THSD7B: variants seen among roughly 807,000 people sequenced by gnomAD.
The protein encoded by THSD7B is thrombospondin type-1 domain-containing protein 7B.
In THSD7B, 138 loss-of-function variants were observed where a neutral mutation model predicts 213.6. The observed-to-expected ratio is 0.65, with a 90% CI of 0.56 to 0.74. THSD7B has a LOEUF of 0.74. Among genes scored for constraint, THSD7B ranks in the 30% least tolerant of loss-of-function variants. The pLI, the probability that THSD7B is intolerant of heterozygous loss-of-function variation, is 0.00. For missense variants in THSD7B, 1,931 were observed against 1,991.5 expected, an observed-to-expected ratio of 0.97 and a Z score of 0.58; for synonymous variants, 742 against 687.0, an observed-to-expected ratio of 1.08 and a Z score of -1.25.
At chr2:137,476,039 G>A (rs1688184673) in intron 15 of THSD7B, among the ~76,000 whole-genome samples, 1 of 151,932 alleles carries the variant, frequency 6.6e-6, no homozygotes, top group African/African-American at 2.4e-5. Flanking sequence ...CTGTACTTTT[G>A]CATTTTCTCA....
chr2:137,575,131 A>G (rs1681431933), intron 17 of THSD7B, among the ~76,000 whole-genome samples: 3 of 152,106 alleles, frequency 2.0e-5, no homozygotes, highest in Admixed American at 2.0e-4. Flanking sequence ...TTATTTAAAC[A>G]TCTGAGTTAC....
intron 5 of THSD7B, among the ~76,000 whole-genome samples, chr2:137,130,829 C>CA (rs1241025889): frequency 8.3e-6 from 1 of 120,344 alleles, no homozygotes; most frequent in East Asian, 2.6e-4. Context: ...AATAGTGCCA[C>CA]AATAAACATA....
chr2:137,210,196 C>A lies in THSD7B; in HGVS notation c.1724-20848C>A, dbSNP rs186822401. ...TGGTAGTCCAAGAAAATTAACACAG[C>A]ATGATACTCATTTTCCTTCTCAATG... is the stretch of plus-strand genomic sequence containing the variant. On this transcript the variant is annotated intron_variant, in intron 7 of 27. Coordinates refer to ENST00000409968, the MANE Select transcript of THSD7B (RefSeq NM_001316349.2). Among the ~76,000 whole-genome samples the A allele has an allele frequency of 1.8e-3, 276 of 152,150 alleles. 2 individuals are homozygous for A. Among genetic ancestry groups the A allele is most frequent in the African/African-American group, 6.1e-3 (252 of 41,542 alleles).
intron 3 of THSD7B, among the ~76,000 whole-genome samples, chr2:137,068,326 A>G (rs888037780): frequency 6.6e-6 from 1 of 152,142 alleles, no homozygotes; most frequent in African/African-American, 2.4e-5. Flanking sequence ...CATGAAATCT[A>G]TAACTCTCAT....
intron 17 of THSD7B, among the ~76,000 whole-genome samples, chr2:137,598,887 T>TA (rs200574722): frequency 0.058 from 8,721 of 151,174 alleles, 339 homozygotes; most frequent in South Asian, 0.16. Context: ...CTTTTTTTTT[T>TA]TTATTATTAT....
chr2:136,863,002 C>T (rs561812041), intron 1 of THSD7B, among the ~76,000 whole-genome samples: 81 of 152,234 alleles, frequency 5.3e-4, no homozygotes, highest in Non-Finnish European at 1.0e-3. Context: ...TCTCTCCAAT[C>T]TCAGCACTTT....
At chr2:137,608,650 C>A (rs1682232554) in intron 17 of THSD7B, among the ~76,000 whole-genome samples, 1 of 152,088 alleles carries the variant, frequency 6.6e-6, no homozygotes, top group Non-Finnish European at 1.5e-5. Flanking sequence ...TTAAATGTTT[C>A]CTGTTGCTAT....
At chr2:137,280,559 A>G (rs1682982415) in intron 12 of THSD7B, among the ~76,000 whole-genome samples, 1 of 152,134 alleles carries the variant, frequency 6.6e-6, no homozygotes, top group Non-Finnish European at 1.5e-5. Flanking sequence ...AAGATAGAAC[A>G]GCACATAGAG....
chr2:136,921,974 C>T (rs983796349), intron 2 of THSD7B, among the ~76,000 whole-genome samples: 6 of 152,150 alleles, frequency 3.9e-5, no homozygotes, highest in Non-Finnish European at 8.8e-5. Flanking sequence ...GTTAATTTCT[C>T]CTTAGTTTTT....
intron 12 of THSD7B, among the ~76,000 whole-genome samples, chr2:137,281,650 A>G (rs1390635756): frequency 1.3e-5 from 2 of 149,474 alleles, no homozygotes; most frequent in East Asian, 2.0e-4. Flanking sequence ...GAGAACATGC[A>G]GTGTTTGGTT....
chr2:137,082,141 A>G (rs1687759022), intron 3 of THSD7B, among the ~76,000 whole-genome samples: 1 of 152,004 alleles, frequency 6.6e-6, no homozygotes, highest in Admixed American at 6.6e-5. Context: ...TTTTTCTGAA[A>G]ATGATTTTGT....
At chr2:137,564,677 A>G (rs1339907175) in intron 16 of THSD7B, among the ~76,000 whole-genome samples, 1 of 152,138 alleles carries the variant, frequency 6.6e-6, no homozygotes, top group Non-Finnish European at 1.5e-5. Flanking sequence ...ATCTCAGGAG[A>G]AAAAGAAAAG....
At chr2:137,317,848 C>A (rs1684161839) in intron 12 of THSD7B, among the ~76,000 whole-genome samples, 1 of 152,076 alleles carries the variant, frequency 6.6e-6, no homozygotes. Context: ...TGCTTGAGCC[C>A]AGGAGTTCAA....
intron 27 of THSD7B, among the ~76,000 whole-genome samples, chr2:137,671,955 G>A (rs111873722): frequency 0.024 from 3,599 of 151,980 alleles, 132 homozygotes; most frequent in African/African-American, 0.082. Context: ...CTCTTTTGTC[G>A]TGGTAGTTAC....
intron 1 of THSD7B, among the ~76,000 whole-genome samples, chr2:136,868,408 G>A (rs1276369047): frequency 6.6e-6 from 1 of 152,056 alleles, no homozygotes; most frequent in Non-Finnish European, 1.5e-5. Context: ...ATAAAAACTT[G>A]TAAAGATAAT....
intron 4 of THSD7B, among the ~76,000 whole-genome samples, chr2:137,097,572 A>G (rs1175272456): frequency 6.6e-6 from 1 of 152,162 alleles, no homozygotes; most frequent in Admixed American, 6.5e-5. Flanking sequence ...ATACCTACTA[A>G]TATACATGCA....
chr2:137,065,382 T>G (rs1687356694), intron 3 of THSD7B, among the ~76,000 whole-genome samples: 1 of 152,126 alleles, frequency 6.6e-6, no homozygotes, highest in Non-Finnish European at 1.5e-5. Flanking sequence ...TTTACTAAAT[T>G]TATCAGTTTT....
intron 14 of THSD7B, among the ~76,000 whole-genome samples, chr2:137,424,787 AT>A (rs1687004807): frequency 6.6e-6 from 1 of 152,140 alleles, no homozygotes; most frequent in Non-Finnish European, 1.5e-5. Flanking sequence ...ATTTTAAAAA[AT>A]AGGCCGGGCA....
intron 12 of THSD7B, among the ~76,000 whole-genome samples, chr2:137,367,321 A>G (rs373553001): frequency 2.6e-5 from 4 of 152,240 alleles, no homozygotes; most frequent in African/African-American, 9.6e-5. Flanking sequence ...CTTTGTATAT[A>G]AAAGGAGAGA....
Sources: gnomAD v4.1 joint callset for allele counts (sites outside exome capture counted in the v4.1 genomes callset) on GRCh38, gnomAD v4.1.1 for gene constraint, MANE v1.5 for transcripts, NCBI Gene and HGNC (gene_info 2026-07-23, HGNC 2026-07-21) for gene names.